RACGAP1: variants seen among roughly 807,000 people sequenced by gnomAD.
The protein encoded by RACGAP1 is Rac GTPase activating protein 1.
Under a neutral mutation model 78.1 loss-of-function variants are expected in RACGAP1, and 30 were observed. The observed-to-expected ratio is 0.38, with a 90% CI of 0.29 to 0.52. The LOEUF is 0.52. Ranked by LOEUF, RACGAP1 falls within the 20% of genes least tolerant of loss-of-function variation. The pLI, the probability that RACGAP1 is intolerant of heterozygous loss-of-function variation, is 0.82. For synonymous variants in RACGAP1, 231 were observed against 264.8 expected, an observed-to-expected ratio of 0.87 and a Z score of 1.24; for missense variants, 587 against 777.1, an observed-to-expected ratio of 0.76 and a Z score of 2.91.
At chr12:50,006,972 T>C (rs946222950) in intron 2 of RACGAP1, among the ~76,000 whole-genome samples, 1 of 152,154 alleles carries the variant, frequency 6.6e-6, no homozygotes, top group Non-Finnish European at 1.5e-5. Flanking sequence ...GGGGATACCT[T>C]TGGGGCAGCT....
chr12:50,018,010 T>C (rs1013670144), intron 1 of RACGAP1, among the ~76,000 whole-genome samples: 2 of 152,072 alleles, frequency 1.3e-5, no homozygotes, highest in South Asian at 2.1e-4. Context: ...ACACAAAAAT[T>C]AGCTGGGCAC....
At position 49,994,473 on chromosome 12, in the gene RACGAP1, T is replaced by C. The variant is rs755942983; in HGVS notation, c.1081A>G (p.Met361Val). Reference sequence around the variant, plus strand: ...CAATGCACAACAATGGAGGGGATCATTGGAGAAGTCTGGGACACAAAGTCT... The same window carrying C: ...CAATGCACAACAATGGAGGGGATCACTGGAGAAGTCTGGGACACAAAGTCT... ...LADFVSQTSP[M>V]IPSIVVHCVN... Residue 361 changes from methionine (M) to valine (V), a missense_variant, in exon 11 of 17, where the codon ATG becomes GTG. Transcript: ENST00000312377. The C allele has an allele frequency of 4.3e-6, 7 of 1,614,036 alleles. No homozygotes were observed. Among genetic ancestry groups the C allele is most frequent in the Admixed American group, 3.3e-5 (2 of 60,006 alleles).
At chr12:49,990,935 A>T (rs1376889219) in intron 15 of RACGAP1, 143 bp from the exon 16 acceptor site, 1 of 618,742 alleles carries the variant, frequency 1.6e-6, no homozygotes, top group African/African-American at 1.9e-5. Flanking sequence ...CATTTTTGTC[A>T]TCATTCTGTA....
chr12:50,010,569 T>A (rs1173533023), intron 2 of RACGAP1, among the ~76,000 whole-genome samples: 1 of 151,554 alleles, frequency 6.6e-6, no homozygotes, highest in Non-Finnish European at 1.5e-5. Flanking sequence ...GTGATCCACC[T>A]GCCTTGGCCT....
At chr12:50,027,565 T>C (rs1950291308), upstream of RACGAP1, among the ~76,000 whole-genome samples, 1 of 152,210 alleles carries the variant, frequency 6.6e-6, no homozygotes, top group Admixed American at 6.5e-5. Flanking sequence ...CAGTGGCTCA[T>C]GCCTGTAATC....
At chr12:50,011,187 A>T (rs758159044) in intron 2 of RACGAP1, among the ~76,000 whole-genome samples, 6 of 151,860 alleles carry the variant, frequency 4.0e-5, no homozygotes, top group Non-Finnish European at 5.9e-5. Context: ...TACAAAAACT[A>T]GCCAGGCTTG....
intron 10 of RACGAP1, 120 bp downstream of exon 10, chr12:49,996,920 G>A (rs973926141): frequency 8.9e-6 from 12 of 1,350,042 alleles, no homozygotes; most frequent in Non-Finnish European, 2.9e-6. Flanking sequence ...TACAATTCTA[G>A]TCATTATTTG....
chr12:49,997,487 G>C (rs904207392), intron 9 of RACGAP1, among the ~76,000 whole-genome samples: 1 of 151,924 alleles, frequency 6.6e-6, no homozygotes, highest in African/African-American at 2.4e-5. Context: ...TGTTGGCCAG[G>C]CTGGTCTCGA....
intron 6 of RACGAP1, 23 bp from the exon 7 acceptor site, chr12:50,001,275 TA>T (rs763356249): frequency 8.8e-5 from 138 of 1,560,480 alleles, no homozygotes; most frequent in Non-Finnish European, 1.2e-4. Context: ...CAAAGACCCG[TA>T]ACTTTAATGC....
chr12:50,015,352 G>A (rs1949598716), intron 2 of RACGAP1, among the ~76,000 whole-genome samples: 1 of 152,092 alleles, frequency 6.6e-6, no homozygotes, highest in African/African-American at 2.4e-5. Context: ...GTAGGTGAAA[G>A]CAAATGCCTA....
chr12:49,992,210 C>T, intron 14 of RACGAP1, 35 bp downstream of exon 14: 3 of 1,613,090 alleles, frequency 1.9e-6, no homozygotes, highest in Non-Finnish European at 2.5e-6. Flanking sequence ...TCACATTACA[C>T]AAGTTCACAT....
chr12:50,032,536 A>AGAGTGTGT (rs1555181904), intron 1 of RACGAP1, among the ~76,000 whole-genome samples: 2 of 147,138 alleles, frequency 1.4e-5, no homozygotes, highest in South Asian at 4.3e-4. Flanking sequence ...GGAAAAGGTG[A>AGAGTGTGT]GTGTGTGTGT....
At chr12:49,991,494 T>TTTTTA (rs1947870829) in intron 15 of RACGAP1, among the ~76,000 whole-genome samples, 1 of 101,054 alleles carries the variant, frequency 9.9e-6, no homozygotes, top group South Asian at 3.3e-4. Context: ...TTTTTTTTTT[T>TTTTTA]TTTTTTTTTT....
chr12:50,026,417 GAT>G (rs1312905467), upstream of RACGAP1, among the ~76,000 whole-genome samples: 4 of 151,838 alleles, frequency 2.6e-5, no homozygotes, highest in Non-Finnish European at 4.4e-5. Context: ...TTGGTCAAGA[GAT>G]ATAAAATTTC....
In RACGAP1 at chr12:50,016,686, A is replaced by C; in HGVS notation, c.30T>G (p.Asn10Lys). Residue 10 changes from asparagine (N) to lysine (K), a missense_variant, in exon 2 of 17, where the codon AAT (asparagine) becomes AAG (lysine). Physicochemically the swap from Asn to Lys is moderately conservative, Grantham distance 94. Transcript: ENST00000312377. ...CCCGGCGCACAAGCTGCTCAAACAGATTCCGCACATTCAGCATCATAGTAT... is the reference window on the plus strand; with the variant it reads ...CCCGGCGCACAAGCTGCTCAAACAGCTTCCGCACATTCAGCATCATAGTAT... MDTMMLNVR[N>K]LFEQLVRRVE... 1 of 1,614,040 alleles carries C rather than the reference A, an allele frequency of 6.2e-7. No homozygotes were observed.
At chr12:49,992,199 A>G in intron 14 of RACGAP1, 46 bp downstream of exon 14, 1 of 1,612,466 alleles carries the variant, frequency 6.2e-7, no homozygotes, top group Non-Finnish European at 8.5e-7. Flanking sequence ...CTTTCAAGTT[A>G]TCACATTACA....
intron 15 of RACGAP1, among the ~76,000 whole-genome samples, chr12:49,991,457 T>TCATATATATATATATATATATATATATA (rs1555169076): frequency 3.6e-5 from 1 of 27,402 alleles, no homozygotes; most frequent in Non-Finnish European, 8.7e-5. Context: ...ATTTAAACTA[T>TCATATATATATATATATATATATATATA]TATATATATA....
chr12:50,024,757 T>G (rs1950192622), intron 1 of RACGAP1, among the ~76,000 whole-genome samples: 2 of 151,700 alleles, frequency 1.3e-5, no homozygotes, highest in South Asian at 4.2e-4. Context: ...GGAAAGCTTA[T>G]TTACCCGACA....
chr12:50,007,654 T>C (rs1426429605), intron 2 of RACGAP1, among the ~76,000 whole-genome samples: 3 of 152,214 alleles, frequency 2.0e-5, no homozygotes, highest in South Asian at 2.1e-4. Context: ...AAACAATACA[T>C]AGTCCTTTTT....
Sources: allele counts gnomAD v4.1 joint callset (sites outside exome capture counted in the v4.1 genomes callset), GRCh38; gene constraint gnomAD v4.1.1; transcripts MANE v1.5; gene names NCBI Gene and HGNC (gene_info 2026-07-23, HGNC 2026-07-21).